Variants in C6orf118 observed in about 807,000 individuals in gnomAD.
C6orf118 encodes the protein chromosome 6 open reading frame 118, also known as uncharacterized protein C6orf118.
Under a neutral mutation model 50.2 loss-of-function variants are expected in C6orf118, and 50 were observed. That is an observed-to-expected ratio of 1.00 (90% CI 0.79 to 1.26). The LOEUF is 1.26. C6orf118 is among the 50% of genes most tolerant of loss of function. The probability of loss-of-function intolerance (pLI) is 0.00; values close to 1 mark genes in which losing one functional copy is unlikely to be tolerated. For missense variants in C6orf118, 641 were observed against 578.7 expected (o/e 1.11, Z -1.10); for synonymous variants, 239 against 230.9 (o/e 1.03, Z -0.32).
chr6:165,291,547 AGAT>A (rs1335273558), intron 6 of C6orf118, among the ~76,000 whole-genome samples: 3 of 152,126 alleles, frequency 2.0e-5, no homozygotes, highest in African/African-American at 7.2e-5. Flanking sequence ...TTAGAGAAGG[AGAT>A]GATGAGTTTA....
rs572862830 is a variant in C6orf118, at chr6:165,307,427, C to T, written c.25+2135G>A. Among the ~76,000 whole-genome samples, 87 of 151,934 alleles carry T rather than the reference C, an allele frequency of 5.7e-4. 1 individual carries two copies. The South Asian group carries it at 0.017, about 29-fold the overall frequency. On this transcript the variant is annotated intron_variant, in intron 1 of 8. Coordinates refer to ENST00000230301, the MANE Select transcript of C6orf118 (RefSeq NM_144980.4). ...TACAGAAATTAGACAGGCATGGTGG[C>T]GGGTACCTGTAATTACTGATACTCA...
At chr6:165,296,250 G>GTTTTTTTTTTTT (rs56394079) in intron 5 of C6orf118, among the ~76,000 whole-genome samples, 19 of 103,382 alleles carry the variant, frequency 1.8e-4, no homozygotes, top group East Asian at 3.8e-4. Flanking sequence ...TTCGTTTTTT[G>GTTTTTTTTTTTT]TTTTTTTTTT....
chr6:165,282,781 A>G (rs533334438), intron 7 of C6orf118, among the ~76,000 whole-genome samples: 2 of 152,212 alleles, frequency 1.3e-5, no homozygotes, highest in East Asian at 3.9e-4. Flanking sequence ...ATAAATAAGA[A>G]GTAGTTAAAG....
In C6orf118 at chr6:165,302,303, A is replaced by C. The variant is rs1303201376; in HGVS notation, c.26-7T>G. ...TGCTTCCACTTCAGGTACACTGGTC[A>C]GAAAAGAAAAGGAGGCTCTTAGGGA... is the stretch of plus-strand genomic sequence containing the variant. On this transcript the variant is annotated splice_region_variant and splice_polypyrimidine_tract_variant and intron_variant, in intron 1 of 8. Coordinates refer to ENST00000230301, the MANE Select transcript of C6orf118 (RefSeq NM_144980.4). The C allele has an allele frequency of 6.2e-7, 1 of 1,607,758 alleles. No individual in the cohort carries two copies. The highest frequency in any genetic ancestry group is 1.8e-4 in the Middle Eastern group (1 of 5,508).
rs866694647 is a variant in C6orf118, at chr6:165,292,079, A to G, written c.1120+1334T>C. Among the ~76,000 whole-genome samples the G allele has an allele frequency of 1.1e-4, 17 of 152,348 alleles. No individual in the cohort carries two copies. The South Asian group carries it at 2.7e-3, about 24-fold the overall frequency. ...GTTAAGCTTCTACACAAACTGAAAG[A>G]AACTACAAAATAAAGTATTTGTTCT... On this transcript the variant is annotated intron_variant, in intron 6 of 8. Coordinates refer to ENST00000230301, the MANE Select transcript of C6orf118 (RefSeq NM_144980.4).
chr6:165,283,448 C>T (rs756551351), intron 7 of C6orf118, among the ~76,000 whole-genome samples: 9 of 152,204 alleles, frequency 5.9e-5, no homozygotes, highest in Non-Finnish European at 1.2e-4. Flanking sequence ...ACAAGGGGGA[C>T]TCCCCCAAGC....
intron 6 of C6orf118, among the ~76,000 whole-genome samples, chr6:165,291,059 T>C (rs1780088731): frequency 6.6e-6 from 1 of 152,112 alleles, no homozygotes; most frequent in Admixed American, 6.5e-5. Flanking sequence ...GAGAATAGTA[T>C]GGGGGAAACT....
At chr6:165,289,841 C>G in intron 7 of C6orf118, 45 bp downstream of exon 7, 1 of 1,385,314 alleles carries the variant, frequency 7.2e-7, no homozygotes, top group Non-Finnish European at 9.7e-7. Context: ...CCAAGGTCTT[C>G]AAGCAAAAGA....
Position 165,280,791 on chromosome 6 carries a change from A to G in C6orf118, c.1357-681T>C, listed in dbSNP as rs150472536. ...AATGCCTGAAGGCAGCCATATTGAG[A>G]CCCCGAGGAGGCAGCAGCCACACTC... On this transcript the variant is annotated intron_variant, in intron 8 of 8. Transcript: ENST00000230301. Among the ~76,000 whole-genome samples the G allele has an allele frequency of 4.7e-4, 71 of 152,244 alleles. No homozygotes were observed. The East Asian group carries it at 0.012, about 25-fold the overall frequency.
At chr6:165,302,854 A>G (rs1289419350) in intron 1 of C6orf118, among the ~76,000 whole-genome samples, 1 of 152,176 alleles carries the variant, frequency 6.6e-6, no homozygotes, top group Non-Finnish European at 1.5e-5. Context: ...CCTCTGCAAC[A>G]TCAGAGTCAT....
chr6:165,291,678 T>A (rs1363183154), intron 6 of C6orf118, among the ~76,000 whole-genome samples: 2 of 152,252 alleles, frequency 1.3e-5, no homozygotes, highest in East Asian at 3.9e-4. Flanking sequence ...AGATTTGGAA[T>A]TTAAAAAAAT....
chr6:165,301,809 C>T lies in C6orf118; in HGVS notation c.513G>A (p.Trp171Ter), dbSNP rs1440007131. The T allele has an allele frequency of 1.9e-6, 3 of 1,613,852 alleles. No individual in the cohort carries two copies. Among genetic ancestry groups the T allele is most frequent in the Non-Finnish European group, 1.7e-6 (2 of 1,179,994 alleles). Residue 171 changes from tryptophan to a stop codon, truncating the protein, a stop_gained, in exon 2 of 9, where the codon TGG becomes TGA. Transcript: ENST00000230301. LOFTEE classifies it high-confidence loss of function. ...GGPPGRGPPG[W>*]RRREELRLPD... The stretch of plus-strand genomic sequence containing the variant: ...GCAGCCGGAGTTCTTCCCTCCTGCG[C>T]CATCCAGGAGGGCCCCGTCCAGGAG...
At chr6:165,292,883 C>T (rs1310798274) in intron 6 of C6orf118, among the ~76,000 whole-genome samples, 1 of 152,156 alleles carries the variant, frequency 6.6e-6, no homozygotes, top group African/African-American at 2.4e-5. Flanking sequence ...CGAGGCCAAG[C>T]TCTACTAAGA....
At chr6:165,300,343 C>T in intron 3 of C6orf118, 21 bp downstream of exon 3, 2 of 1,613,230 alleles carry the variant, frequency 1.2e-6, no homozygotes, top group Non-Finnish European at 1.7e-6. Flanking sequence ...AACTGTTATG[C>T]TGAAGATGTA....
rs772055216 is a variant in C6orf118, at chr6:165,302,216, T to C, written c.106A>G (p.Lys36Glu). 2.5e-5 allele frequency: 40 copies of C among 1,612,646 alleles called. No individual in the cohort carries two copies. In the Middle Eastern group the frequency reaches 4.9e-4, roughly 20 times the overall value. Residue 36 changes from lysine (K) to glutamate (E), a missense_variant, in exon 2 of 9, where the codon AAG becomes GAG. Lys to Glu is a moderately conservative substitution (Grantham distance 56). Coordinates refer to ENST00000230301, the MANE Select transcript of C6orf118 (RefSeq NM_144980.4). ...NLKHCETPGV[K>E]TLCNLKKLLN... The stretch of plus-strand genomic sequence containing the variant: ...AGTTTCTTCAGATTACACAGGGTCT[T>C]CACTCCTGGCGTCTCGCAGTGCTTC...
chr6:165,284,661 G>A (rs1779842828), intron 7 of C6orf118, among the ~76,000 whole-genome samples: 2 of 152,094 alleles, frequency 1.3e-5, no homozygotes, highest in South Asian at 4.1e-4. Context: ...AGAGATTGGG[G>A]GTCAATACCT....
chr6:165,302,866 A>G (rs868377193), intron 1 of C6orf118, among the ~76,000 whole-genome samples: 5 of 152,314 alleles, frequency 3.3e-5, no homozygotes, highest in Middle Eastern at 3.4e-3. Flanking sequence ...CAGAGTCATC[A>G]TCTCAATCAA....
At chr6:165,307,942 C>T (rs1051229460) in intron 1 of C6orf118, among the ~76,000 whole-genome samples, 2 of 152,220 alleles carry the variant, frequency 1.3e-5, no homozygotes, top group African/African-American at 4.8e-5. Flanking sequence ...TCAGACTCCA[C>T]TGAGATTGCA....
intron 5 of C6orf118, 79 bp from the exon 6 acceptor site, chr6:165,293,550 GTCTCTTACAGTTGAGAAATTAAAA>G: frequency 9.1e-7 from 1 of 1,101,472 alleles, no homozygotes; most frequent in Non-Finnish European, 1.3e-6. Context: ...TACACCACAA[GTCTCTTACAGTTGAGAAATTAAAA>G]TAGATCTGCT....
Sources: gnomAD v4.1 joint callset for allele counts (sites outside exome capture counted in the v4.1 genomes callset) on GRCh38, gnomAD v4.1.1 for gene constraint, MANE v1.5 for transcripts, NCBI Gene and HGNC (gene_info 2026-07-23, HGNC 2026-07-21) for gene names.